TCERG1L: variants seen among roughly 807,000 people sequenced by gnomAD.
The protein encoded by TCERG1L is transcription elongation regulator 1-like protein.
TCERG1L carries 37 observed loss-of-function variants against 56.3 expected under a neutral mutation model. That is an observed-to-expected ratio of 0.66 (90% CI 0.51 to 0.87). The LOEUF is 0.87. Ranked by LOEUF, TCERG1L falls within the 40% of genes least tolerant of loss-of-function variation. The pLI is 0.00. For missense variants in TCERG1L, 799 were observed against 774.2 expected (o/e 1.03, Z -0.38); for synonymous variants, 324 against 326.3 (o/e 0.99, Z 0.08).
intron 7 of TCERG1L, among the ~76,000 whole-genome samples, chr10:131,143,729 G>C (rs1003549390): frequency 2.6e-5 from 4 of 152,176 alleles, no homozygotes; most frequent in African/African-American, 9.7e-5. Context: ...GTGTTGGTAA[G>C]ATCCCCGAGA....
intron 4 of TCERG1L, among the ~76,000 whole-genome samples, chr10:131,255,537 C>T (rs1036690355): frequency 4.6e-5 from 7 of 152,136 alleles, no homozygotes; most frequent in African/African-American, 1.7e-4. Flanking sequence ...TTCTCAGGCT[C>T]GGAGGGAGGC....
Position 131,311,228 on chromosome 10 carries a change from G to A in TCERG1L, c.342+66C>T, listed in dbSNP as rs962467127. On this transcript the variant is annotated intron_variant, in intron 1 of 11. Transcript: ENST00000368642. This position sits in a 1 kb window ranked among gnomAD's most constrained non-coding sequence, Gnocchi z 4.0. ...GCGAGCCGGAGGCCAGAGCCGGGCC[G>A]GGCAGGGCGCGCCCAGGAGCAGGGG... The A allele has an allele frequency of 2.7e-5, 31 of 1,162,158 alleles. No homozygotes were observed. The highest frequency in any genetic ancestry group is 6.8e-4 in the Middle Eastern group (2 of 2,960). 72.0% of individuals were successfully genotyped at this position (1,162,158 alleles called of 1,614,324 possible). A position where few individuals can be genotyped will look rare whatever the true frequency, so the allele number is the denominator to read the frequency against.
intron 4 of TCERG1L, among the ~76,000 whole-genome samples, chr10:131,231,713 G>A (rs187396649): frequency 5.8e-4 from 89 of 152,304 alleles, no homozygotes; most frequent in Admixed American, 2.4e-3. Flanking sequence ...CAATGAGGCC[G>A]GCACGTGGGG....
chr10:131,144,815 G>A (rs895594422), intron 7 of TCERG1L, among the ~76,000 whole-genome samples: 1 of 152,148 alleles, frequency 6.6e-6, no homozygotes, highest in African/African-American at 2.4e-5. Flanking sequence ...AGTATAACAT[G>A]AGATTCTTGT....
chr10:131,190,851 C>T (rs1446410308), intron 4 of TCERG1L, among the ~76,000 whole-genome samples: 1 of 143,468 alleles, frequency 7.0e-6, no homozygotes, highest in Non-Finnish European at 1.5e-5. Flanking sequence ...CAACAAAGTT[C>T]CGGAAGTACT....
intron 3 of TCERG1L, among the ~76,000 whole-genome samples, chr10:131,294,785 C>A (rs1846670627): frequency 6.6e-6 from 1 of 151,812 alleles, no homozygotes. Flanking sequence ...TGGTTTTATT[C>A]AAACCAGGAT....
chr10:131,272,999 T>C (rs1328720942), intron 3 of TCERG1L, among the ~76,000 whole-genome samples: 1 of 152,202 alleles, frequency 6.6e-6, no homozygotes, highest in East Asian at 1.9e-4. Context: ...GGAGGGTCTG[T>C]CCATGGAGTG....
At chr10:131,122,214 A>T (rs999633662) in intron 8 of TCERG1L, among the ~76,000 whole-genome samples, 5 of 152,214 alleles carry the variant, frequency 3.3e-5, no homozygotes, top group African/African-American at 1.2e-4. Flanking sequence ...CGTCCTAAGC[A>T]CTAGAAATGA....
intron 4 of TCERG1L, among the ~76,000 whole-genome samples, chr10:131,180,250 A>G (rs1226146816): frequency 6.6e-6 from 1 of 152,230 alleles, no homozygotes; most frequent in Non-Finnish European, 1.5e-5. Flanking sequence ...CTAAGACCAC[A>G]GTGGCCTGGC....
intron 7 of TCERG1L, among the ~76,000 whole-genome samples, chr10:131,139,712 C>T (rs11817344): frequency 2.1e-5 from 3 of 142,848 alleles, no homozygotes; most frequent in Admixed American, 2.1e-4. Context: ...GTGTGTGTGT[C>T]TGTGTGTATG....
intron 6 of TCERG1L, among the ~76,000 whole-genome samples, chr10:131,149,419 T>C (rs1845839582): frequency 6.6e-6 from 1 of 150,488 alleles, no homozygotes. Flanking sequence ...AGGGAGGCTG[T>C]GGGTATGCAT....
At chr10:131,226,959 G>A (rs983707317) in intron 4 of TCERG1L, among the ~76,000 whole-genome samples, 1 of 152,260 alleles carries the variant, frequency 6.6e-6, no homozygotes, top group African/African-American at 2.4e-5. Context: ...AGCTCCCGCA[G>A]CACGAGAGCA....
intron 4 of TCERG1L, among the ~76,000 whole-genome samples, chr10:131,251,223 A>G (rs989105438): frequency 4.6e-5 from 7 of 151,724 alleles, no homozygotes; most frequent in African/African-American, 1.5e-4. Flanking sequence ...GACCACTCCC[A>G]CGCCCTTCTG....
chr10:131,114,094 T>C (rs1845432341), intron 9 of TCERG1L, among the ~76,000 whole-genome samples: 1 of 142,304 alleles, frequency 7.0e-6, no homozygotes, highest in Admixed American at 6.9e-5. Flanking sequence ...ACAATCCCCG[T>C]GGCAGGGCCC....
intron 3 of TCERG1L, among the ~76,000 whole-genome samples, chr10:131,276,680 A>C (rs1343095886): frequency 6.6e-6 from 1 of 151,898 alleles, no homozygotes; most frequent in Non-Finnish European, 1.5e-5. Context: ...AAGATGATTA[A>C]ATGCCTCATC....
intron 4 of TCERG1L, among the ~76,000 whole-genome samples, chr10:131,176,833 TACAC>T (rs1292107873): frequency 7.6e-6 from 1 of 131,854 alleles, no homozygotes; most frequent in East Asian, 2.4e-4. Flanking sequence ...CAGACACGTG[TACAC>T]ACAGGCACAT....
At chr10:131,207,183 C>A (rs565845609) in intron 4 of TCERG1L, among the ~76,000 whole-genome samples, 1 of 152,108 alleles carries the variant, frequency 6.6e-6, no homozygotes, top group Non-Finnish European at 1.5e-5. Flanking sequence ...TTCCCCTACC[C>A]TGATCCCCTC....
At chr10:131,182,347 G>A (rs1683459089) in intron 4 of TCERG1L, among the ~76,000 whole-genome samples, 3 of 152,242 alleles carry the variant, frequency 2.0e-5, no homozygotes, top group Admixed American at 6.5e-5. Context: ...CAGGGCCGGG[G>A]TCTTTGTGCC....
At chr10:131,151,860 C>A (rs528890846) in intron 6 of TCERG1L, among the ~76,000 whole-genome samples, 1 of 152,336 alleles carries the variant, frequency 6.6e-6, no homozygotes, top group Non-Finnish European at 1.5e-5. Context: ...AACCTCAATT[C>A]TTGACTTCTG....
Sources: allele counts gnomAD v4.1 joint callset (sites outside exome capture counted in the v4.1 genomes callset), GRCh38; gene constraint gnomAD v4.1.1; non-coding constraint Gnocchi (gnomAD v3.1); transcripts MANE v1.5; gene names NCBI Gene and HGNC (gene_info 2026-07-23, HGNC 2026-07-21).